Variants in BEND7 observed in about 807,000 individuals in gnomAD.
BEND7 encodes BEN domain-containing protein 7.
Under a neutral mutation model 50.9 loss-of-function variants are expected in BEND7, and 28 were observed. The observed-to-expected ratio is 0.55, with a 90% CI of 0.41 to 0.75. The LOEUF (loss-of-function observed/expected upper bound fraction) is 0.75. BEND7 is among the 30% of genes least tolerant of loss of function. The probability of loss-of-function intolerance (pLI) is 0.00; values close to 1 mark genes in which losing one functional copy is unlikely to be tolerated. For synonymous variants in BEND7, 170 were observed against 183.9 expected (o/e 0.92, Z 0.61); for missense variants, 477 against 491.3 (o/e 0.97, Z 0.28).
intron 2 of BEND7, among the ~76,000 whole-genome samples, chr10:13,517,172 C>G (rs184558436): frequency 6.6e-6 from 1 of 151,528 alleles, no homozygotes; most frequent in Non-Finnish European, 1.5e-5. Flanking sequence ...TCAACTGATC[C>G]TCCCACCTCA....
chr10:13,502,889 T>C (rs2077584113), intron 2 of BEND7: 1 of 985,416 alleles, frequency 1.0e-6, no homozygotes, highest in Non-Finnish European at 1.2e-6. Flanking sequence ...GCCAGCTTGC[T>C]TCTCTACACT....
At chr10:13,517,828 G>C (rs905387425) in intron 2 of BEND7, among the ~76,000 whole-genome samples, 1 of 147,694 alleles carries the variant, frequency 6.8e-6, no homozygotes, top group Admixed American at 6.7e-5. Flanking sequence ...CGTGTGGATC[G>C]CAATGGCTGC....
chr10:13,484,312 T>A (rs1321400260), intron 5 of BEND7, among the ~76,000 whole-genome samples: 1 of 152,230 alleles, frequency 6.6e-6, no homozygotes, highest in Non-Finnish European at 1.5e-5. Context: ...AGCTTTGTTT[T>A]CTGAAACATG....
rs145929568 is a variant in BEND7, at chr10:13,462,951, A to G, written c.1064-10293T>C. Among the ~76,000 whole-genome samples the G allele has an allele frequency of 3.3e-5, 5 of 152,358 alleles. No homozygotes were observed. The East Asian group carries it at 7.7e-4, about 23-fold the overall frequency. ...AACAACAGGTTGATCAGACTCCACAACAACTGAATCTAGAGAACACTGGAA... is the reference window on the plus strand; with the variant it reads ...AACAACAGGTTGATCAGACTCCACAGCAACTGAATCTAGAGAACACTGGAA... On this transcript the variant is annotated intron_variant, in intron 6 of 8. Coordinates refer to ENST00000466271, the MANE Select transcript of BEND7 (RefSeq NM_001369863.1).
intron 2 of BEND7, among the ~76,000 whole-genome samples, chr10:13,523,688 C>CT (rs1455214205): frequency 2.0e-5 from 3 of 152,128 alleles, no homozygotes; most frequent in Non-Finnish European, 4.4e-5. Context: ...TAATTGAAAT[C>CT]TTTATGTTTT....
At chr10:13,447,610 C>A (rs1270196924) in intron 7 of BEND7, among the ~76,000 whole-genome samples, 6 of 127,344 alleles carry the variant, frequency 4.7e-5, no homozygotes, top group Non-Finnish European at 6.2e-5. Context: ...GTGGCGCGAT[C>A]TCGGCTCACT....
At chr10:13,477,682 A>G (rs142001767) in intron 6 of BEND7, among the ~76,000 whole-genome samples, 3 of 152,246 alleles carry the variant, frequency 2.0e-5, no homozygotes, top group Non-Finnish European at 2.9e-5. Context: ...TTTAGCTTTC[A>G]TTGGCATTTT....
At position 13,496,862 on chromosome 10, in the gene BEND7, C is replaced by A. The variant is rs777635118; in HGVS notation, c.475G>T (p.Ala159Ser). 6.2e-7 allele frequency: 1 copy of A among 1,602,530 alleles called. No homozygotes were observed. Among genetic ancestry groups the A allele is most frequent in the Non-Finnish European group, 8.5e-7 (1 of 1,176,680 alleles). ...TTACAAGTACAGCAGTTTGATCCAG[C>A]TGATGAATTCACCACTGGAAGTTCT... is the stretch of plus-strand genomic sequence containing the variant. The part of the protein sequence containing the change: ...NGELPVVNSS[A>S]GSNCCTCNCQ... The change falls in exon 4 of 9, where the codon GCT becomes TCT. Residue 159 changes from alanine to serine, a missense_variant. Ala to Ser is a moderately conservative substitution (Grantham distance 99). Coordinates refer to ENST00000466271, the MANE Select transcript of BEND7 (RefSeq NM_001369863.1).
At chr10:13,474,346 C>T (rs949209342) in intron 6 of BEND7, among the ~76,000 whole-genome samples, 6 of 150,966 alleles carry the variant, frequency 4.0e-5, no homozygotes, top group Admixed American at 6.6e-5. Context: ...GGTCGATATC[C>T]GTCATGACTG....
intron 6 of BEND7, among the ~76,000 whole-genome samples, chr10:13,474,221 C>G (rs1189723500): frequency 6.6e-6 from 1 of 151,894 alleles, no homozygotes; most frequent in Non-Finnish European, 1.5e-5. Context: ...GGGCCGACAT[C>G]CGTCATCGCT....
chr10:13,463,246 T>A (rs1156883880), intron 6 of BEND7, among the ~76,000 whole-genome samples: 1 of 152,136 alleles, frequency 6.6e-6, no homozygotes, highest in African/African-American at 2.4e-5. Context: ...TAGGCAGAAA[T>A]GGTTCAGCCC....
intron 1 of BEND7, among the ~76,000 whole-genome samples, chr10:13,527,535 G>C (rs2079513791): frequency 6.6e-6 from 1 of 152,226 alleles, no homozygotes; most frequent in South Asian, 2.1e-4. Context: ...GAAAACGACA[G>C]AGGAAAAGTG....
chr10:13,484,802 T>C (rs925494444), intron 5 of BEND7, among the ~76,000 whole-genome samples: 1 of 152,182 alleles, frequency 6.6e-6, no homozygotes, highest in African/African-American at 2.4e-5. Context: ...TACTATAAAT[T>C]TGGATTTTCA....
chr10:13,508,889 C>G lies in BEND7; in HGVS notation c.146-8809G>C, dbSNP rs563877531. Among the ~76,000 whole-genome samples, 10 of 152,320 alleles carry G rather than the reference C, an allele frequency of 6.6e-5. No homozygotes were observed. The South Asian group carries it at 1.9e-3, about 28-fold the overall frequency. ...CTTCTGATCGACGGGCAGGCCTAAG[C>G]GGCACGGCGGTCAACCCCAGCCAGG... On this transcript the variant is annotated intron_variant, in intron 2 of 8. Coordinates refer to ENST00000466271, the MANE Select transcript of BEND7 (RefSeq NM_001369863.1).
In BEND7 at chr10:13,523,279, C is replaced by A. The variant is rs556573235; in HGVS notation, c.145+2859G>T. ...CACAGGGTAAAGTAACGTCTTCTGA[C>A]CCTATTATCCAATTAAAAATATGTG... is the stretch of plus-strand genomic sequence containing the variant. On this transcript the variant is annotated intron_variant, in intron 2 of 8. Transcript: ENST00000466271. Among the ~76,000 whole-genome samples the A allele has an allele frequency of 2.0e-4, 31 of 152,318 alleles. 2 individuals are homozygous for A. In the South Asian group the frequency reaches 6.4e-3, roughly 32 times the overall value.
rs113864092 is a variant in BEND7, at chr10:13,508,467, T to C, written c.146-8387A>G. On this transcript the variant is annotated intron_variant, in intron 2 of 8. Coordinates refer to ENST00000466271, the MANE Select transcript of BEND7 (RefSeq NM_001369863.1). ...AGAACTCCAAGGGCTCCACACTGCA[T>C]AGGCTGAATGCCACGGAAAAGGAAA... is the stretch of plus-strand genomic sequence containing the variant. 5.0e-3 allele frequency among the ~76,000 whole-genome samples: 756 copies of C among 152,270 alleles called. 7 individuals carry two copies. The highest frequency in any genetic ancestry group is 0.017 in the African/African-American group (725 of 41,540).
intron 7 of BEND7, among the ~76,000 whole-genome samples, chr10:13,450,530 G>A (rs1176447790): frequency 7.2e-5 from 11 of 152,176 alleles, no homozygotes. Flanking sequence ...ACTGTATTTG[G>A]CAGGTCATTG....
At chr10:13,524,214 C>T (rs139091687) in intron 2 of BEND7, among the ~76,000 whole-genome samples, 2 of 152,302 alleles carry the variant, frequency 1.3e-5, no homozygotes, top group East Asian at 3.9e-4. Context: ...ACAGAAAGTG[C>T]GGGAAAGCCT....
intron 8 of BEND7, chr10:13,444,557 A>G (rs1835887364): frequency 6.6e-6 from 1 of 152,224 alleles, no homozygotes; most frequent in African/African-American, 2.4e-5. Context: ...GGATAATGAG[A>G]GTCTGTATCA....
Sources: gnomAD v4.1 joint callset for allele counts (sites outside exome capture counted in the v4.1 genomes callset) on GRCh38, gnomAD v4.1.1 for gene constraint, MANE v1.5 for transcripts, NCBI Gene and HGNC (gene_info 2026-07-23, HGNC 2026-07-21) for gene names.